Variants in XPO1 observed in about 807,000 individuals in gnomAD.
XPO1 encodes the protein exportin-1.
A neutral mutation model predicts 133.3 loss-of-function variants in XPO1; 5 were observed. That is an observed-to-expected ratio of 0.04 (90% CI 0.02 to 0.08). The LOEUF (loss-of-function observed/expected upper bound fraction) is 0.08. Among genes scored for constraint, XPO1 ranks in the 10% least tolerant of loss-of-function variants. XPO1 has a pLI of 1.00. For synonymous variants in XPO1, 419 were observed against 408.2 expected, an observed-to-expected ratio of 1.03 and a Z score of -0.32; for missense variants, 506 against 1,267.5, an observed-to-expected ratio of 0.40 and a Z score of 9.12.
At chr2:61,533,566 A>G (rs1005223591) in intron 2 of XPO1, among the ~76,000 whole-genome samples, 7 of 152,242 alleles carry the variant, frequency 4.6e-5, no homozygotes, top group African/African-American at 1.4e-4. Context: ...CAAAACAAGT[A>G]TAATATTCCA....
intron 3 of XPO1, among the ~76,000 whole-genome samples, chr2:61,523,593 T>C (rs1441255334): frequency 6.6e-6 from 1 of 152,200 alleles, no homozygotes; most frequent in African/African-American, 2.4e-5. Context: ...AAGAATCAGC[T>C]ATAATATCTG....
At chr2:61,506,876 T>C (rs1419693829) in intron 4 of XPO1, among the ~76,000 whole-genome samples, 1 of 151,994 alleles carries the variant, frequency 6.6e-6, no homozygotes, top group Non-Finnish European at 1.5e-5. Context: ...GACATTTACA[T>C]AACACATTTC....
chr2:61,514,169 A>G (rs1698237606), intron 4 of XPO1, among the ~76,000 whole-genome samples: 1 of 151,788 alleles, frequency 6.6e-6, no homozygotes, highest in Admixed American at 6.6e-5. Flanking sequence ...CTGGGGCAAT[A>G]GAGCCAGGCT....
chr2:61,526,076 T>C, intron 3 of XPO1: 2 of 1,125,572 alleles, frequency 1.8e-6, no homozygotes, highest in Non-Finnish European at 2.2e-6. Flanking sequence ...GCCTGTATTA[T>C]ATTGATTACT....
At chr2:61,507,587 A>T (rs1222497530) in intron 4 of XPO1, among the ~76,000 whole-genome samples, 2 of 151,756 alleles carry the variant, frequency 1.3e-5, no homozygotes, top group African/African-American at 4.8e-5. Flanking sequence ...AAAAAAAATC[A>T]AACAAGGCAG....
At chr2:61,500,487 G>A (rs1697452047) in intron 6 of XPO1, among the ~76,000 whole-genome samples, 1 of 147,586 alleles carries the variant, frequency 6.8e-6, no homozygotes, top group Non-Finnish European at 1.5e-5. Flanking sequence ...GCTGAGGCAG[G>A]AGAATCTCTT....
intron 16 of XPO1, among the ~76,000 whole-genome samples, chr2:61,491,043 G>C (rs532874687): frequency 6.6e-6 from 1 of 152,036 alleles, no homozygotes; most frequent in African/African-American, 2.4e-5. Context: ...TATAATTCCA[G>C]TTACTTGGGA....
chr2:61,525,565 G>C (rs1698876882), intron 3 of XPO1: 1 of 1,014,228 alleles, frequency 9.9e-7, no homozygotes, highest in African/African-American at 1.7e-5. Flanking sequence ...AAATACTGTT[G>C]ATAAATCAAC....
chr2:61,514,140 T>C (rs1333355246), intron 4 of XPO1, among the ~76,000 whole-genome samples: 3 of 151,420 alleles, frequency 2.0e-5, no homozygotes, highest in African/African-American at 4.9e-5. Flanking sequence ...TGAGCTGAGA[T>C]TGTGCCACCA....
chr2:61,525,490 A>G (rs1385906328), intron 3 of XPO1: 1 of 1,009,208 alleles, frequency 9.9e-7, no homozygotes, highest in Non-Finnish European at 1.2e-6. Context: ...AGAATTCTTT[A>G]CCTGTTGCTT....
At chr2:61,531,484 A>G (rs967979056) in intron 2 of XPO1, among the ~76,000 whole-genome samples, 97 of 152,356 alleles carry the variant, frequency 6.4e-4, no homozygotes, top group African/African-American at 2.3e-3. Flanking sequence ...ATATATTCTC[A>G]ATTACAAAAA....
chr2:61,493,079 GA>G (rs750907016), intron 12 of XPO1, 26 bp from the exon 13 acceptor site: 3 of 1,535,462 alleles, frequency 2.0e-6, no homozygotes, highest in East Asian at 2.3e-5. Context: ...TATCAATCAA[GA>G]AAAAAATCGT....
intron 1 of XPO1, among the ~76,000 whole-genome samples, chr2:61,534,935 T>C (rs540565416): frequency 1.3e-5 from 2 of 152,324 alleles, no homozygotes; most frequent in South Asian, 2.1e-4. Flanking sequence ...AAAAAAACTT[T>C]ATGGGCAATA....
At chr2:61,488,858 C>G in intron 17 of XPO1, 87 bp from the exon 18 acceptor site, 1 of 1,437,064 alleles carries the variant, frequency 7.0e-7, no homozygotes, top group East Asian at 2.3e-5. Context: ...TCCCAGCACT[C>G]TGAGAGGCCG....
At position 61,483,080 on chromosome 2, in the gene XPO1, G is replaced by C. The variant is rs756773807; in HGVS notation, c.2689C>G (p.Leu897Val). ...RNVADTGLQI[L>V]FTLLQNVAQE... ...GCAACATTTTGTAAGAGTGTAAAAA[G>C]TATCTGTAAGCCTAAAAGACATAGA... The change falls in exon 22 of 25, where the codon CTT becomes GTT. Residue 897 changes from leucine to valine, a missense_variant. Leu to Val is a conservative substitution (Grantham distance 32). Coordinates refer to ENST00000401558, the MANE Select transcript of XPO1 (RefSeq NM_003400.4). 1 of 1,612,010 alleles carries C rather than the reference G, an allele frequency of 6.2e-7. No individual in the cohort carries two copies. The highest frequency in any genetic ancestry group is 8.5e-7 in the Non-Finnish European group (1 of 1,179,588).
In XPO1 at chr2:61,493,999, G is replaced by C. The variant is rs1164128579; in HGVS notation, c.1140C>G (p.Leu380=). ...LEYWNHLAAE[L]YRESPFSTSA... Reference sequence around the variant, plus strand: ...ATGTAGAGAATGGACTCTCTCTATAGAGTTCAGCAGCCAAATGATTCCAGT... The same window carrying C: ...ATGTAGAGAATGGACTCTCTCTATACAGTTCAGCAGCCAAATGATTCCAGT... The change falls in exon 12 of 25, where the codon CTC becomes CTG. Residue 380 remains leucine (L), a synonymous_variant. Coordinates refer to ENST00000401558, the MANE Select transcript of XPO1 (RefSeq NM_003400.4). The C allele has an allele frequency of 6.2e-7, 1 of 1,614,068 alleles. No homozygotes were observed. The highest frequency in any genetic ancestry group is 1.1e-5 in the South Asian group (1 of 91,082).
chr2:61,536,814 C>G (rs916518882), intron 1 of XPO1: 1 of 152,368 alleles, frequency 6.6e-6, no homozygotes, highest in Non-Finnish European at 1.5e-5. Context: ...CCGGGCTGAG[C>G]CAGTACTGAA....
rs986949403 is a variant in XPO1 at position 61,518,388 on chromosome 2, T to TA, written c.301+4222dup. On this transcript the variant is annotated intron_variant, in intron 4 of 24. Coordinates refer to ENST00000401558, the MANE Select transcript of XPO1 (RefSeq NM_003400.4). ...TAACACGGTGAAACCCCGTCTCTAC[T>TA]AAAAAAAAAAACAAAAAACAAAAAA... 5.8e-3 allele frequency among the ~76,000 whole-genome samples: 723 copies of TA among 125,672 alleles called. 8 individuals carry two copies. The highest frequency in any genetic ancestry group is 0.022 in the African/African-American group (664 of 30,864). 82.4% of individuals were successfully genotyped at this position (125,672 alleles called of 152,430 possible). A position where few individuals can be genotyped will look rare whatever the true frequency, so the allele number is the denominator to read the frequency against.
chr2:61,478,633 A>G lies in XPO1; in HGVS notation c.*187T>C. ...CATGCAAACTAAATAAAGATGACCA[A>G]AACAAAAGCTTAAACAATGGAAGGA... is the stretch of plus-strand genomic sequence containing the variant. On this transcript the variant is annotated 3_prime_UTR_variant, in exon 25 of 25. Coordinates refer to ENST00000401558, the MANE Select transcript of XPO1 (RefSeq NM_003400.4). The G allele has an allele frequency of 1.6e-6, 1 of 611,340 alleles. No individual in the cohort carries two copies. The highest frequency in any genetic ancestry group is 3.7e-5 in the Admixed American group (1 of 26,774). 37.9% of individuals were successfully genotyped at this position (611,340 alleles called of 1,614,324 possible). A position where few individuals can be genotyped will look rare whatever the true frequency, so the allele number is the denominator to read the frequency against.
Sources: allele counts gnomAD v4.1 joint callset (sites outside exome capture counted in the v4.1 genomes callset), GRCh38; gene constraint gnomAD v4.1.1; transcripts MANE v1.5; gene names NCBI Gene and HGNC (gene_info 2026-07-23, HGNC 2026-07-21).